SMC2: variants seen among roughly 807,000 people sequenced by gnomAD.
SMC2 encodes the protein structural maintenance of chromosomes protein 2.
A neutral mutation model predicts 142.6 loss-of-function variants in SMC2; 41 were observed. The observed-to-expected ratio is 0.29, with a 90% CI of 0.22 to 0.37. The LOEUF (loss-of-function observed/expected upper bound fraction) is 0.37. Ranked by LOEUF, SMC2 falls within the 10% of genes least tolerant of loss-of-function variation. SMC2 has a pLI of 1.00. For missense variants in SMC2, 1,265 were observed against 1,373.7 expected (o/e 0.92, Z 1.25); for synonymous variants, 463 against 457.5 (o/e 1.01, Z -0.15).
chr9:104,116,339 A>C lies in SMC2; in HGVS notation c.1791+20A>C. 1 of 1,589,732 alleles carries C rather than the reference A, an allele frequency of 6.3e-7. No homozygotes were observed. The highest frequency in any genetic ancestry group is 1.2e-5 in the South Asian group (1 of 86,016). Reference sequence around the variant, plus strand: ...AATCTTGTAAGTCTCATTTTGTCTTATTTATATGTTTAATCGTCATCTGTG... The same window carrying C: ...AATCTTGTAAGTCTCATTTTGTCTTCTTTATATGTTTAATCGTCATCTGTG... On this transcript the variant is annotated intron_variant, in intron 14 of 24. Coordinates refer to ENST00000374793, the MANE Select transcript of SMC2 (RefSeq NM_006444.3).
intron 19 of SMC2, 50 bp downstream of exon 19, chr9:104,126,834 T>A (rs1356729311): frequency 2.0e-6 from 3 of 1,519,570 alleles, no homozygotes; most frequent in Non-Finnish European, 2.7e-6. Flanking sequence ...AATCTTTTTA[T>A]GAAACATTAG....
At chr9:104,119,220 CTG>C (rs748978530) in intron 15 of SMC2, among the ~76,000 whole-genome samples, 1 of 152,142 alleles carries the variant, frequency 6.6e-6, no homozygotes, top group Non-Finnish European at 1.5e-5. Flanking sequence ...TAAAAAGAGA[CTG>C]TGTTTTTAAA....
intron 12 of SMC2, among the ~76,000 whole-genome samples, chr9:104,114,405 G>T (rs1832844650): frequency 6.6e-6 from 1 of 152,082 alleles, no homozygotes; most frequent in African/African-American, 2.4e-5. Flanking sequence ...GTTTTGCTAT[G>T]TGGGTTTTTT....
intron 11 of SMC2, 82 bp downstream of exon 11, chr9:104,113,557 G>A (rs1417171299): frequency 1.8e-6 from 2 of 1,120,450 alleles, no homozygotes; most frequent in Non-Finnish European, 2.5e-6. Flanking sequence ...AAGAACGCAA[G>A]CAAGTAGGAA....
intron 9 of SMC2, among the ~76,000 whole-genome samples, chr9:104,104,129 G>A (rs1490324022): frequency 2.0e-5 from 3 of 151,918 alleles, no homozygotes; most frequent in South Asian, 2.1e-4. Flanking sequence ...AAACTCTCAC[G>A]CCATAGGTGG....
Position 104,102,578 on chromosome 9 carries a change from G to A in SMC2, c.1020+5G>A. 6.2e-7 allele frequency: 1 copy of A among 1,611,744 alleles called. No individual in the cohort carries two copies. The highest frequency in any genetic ancestry group is 2.2e-5 in the East Asian group (1 of 44,788). On this transcript the variant is annotated splice_donor_5th_base_variant and intron_variant, in intron 9 of 24. Transcript: ENST00000374793. ...CTGGAAAAAAATATGGTTGAGGTAA[G>A]TGAGCTTAATGTGCCACTAGTGCCA...
chr9:104,110,373 G>A (rs1024051455), intron 9 of SMC2, among the ~76,000 whole-genome samples: 2 of 152,124 alleles, frequency 1.3e-5, no homozygotes, highest in African/African-American at 4.8e-5. Context: ...CTACAGTACT[G>A]TAAATGTATT....
chr9:104,091,703 A>G (rs1260426753), upstream of SMC2, among the ~76,000 whole-genome samples: 2 of 152,164 alleles, frequency 1.3e-5, no homozygotes, highest in African/African-American at 4.8e-5. Flanking sequence ...CCAAGGAGAA[A>G]GGATTCACTC....
In SMC2 at chr9:104,127,308, A is replaced by G; in HGVS notation, c.2618A>G (p.Glu873Gly). The G allele has an allele frequency of 6.3e-7, 1 of 1,593,184 alleles. No individual in the cohort carries two copies. Among genetic ancestry groups the G allele is most frequent in the Non-Finnish European group, 8.6e-7 (1 of 1,169,464 alleles). ...TAGGAGTCAGTAAATAAAGCTCAAGAAGAGGTGACCAAGCAAAAAGAGGTG... is the reference window on the plus strand; with the variant it reads ...TAGGAGTCAGTAAATAAAGCTCAAGGAGAGGTGACCAAGCAAAAAGAGGTG... ...KNKESVNKAQ[E>G]EVTKQKEVIT... Residue 873 changes from glutamate (E) to glycine (G), a missense_variant, in exon 20 of 25, where the codon GAA (glutamate) becomes GGA (glycine). By Grantham distance (98) the Glu-to-Gly change is moderately conservative. This residue lies in a region of SMC2 where 898 missense variants were observed against 904.2 expected (regional missense o/e 0.99). Coordinates refer to ENST00000374793, the MANE Select transcript of SMC2 (RefSeq NM_006444.3).
At chr9:104,107,276 A>G (rs1011345237) in intron 9 of SMC2, among the ~76,000 whole-genome samples, 3 of 152,220 alleles carry the variant, frequency 2.0e-5, no homozygotes, top group Non-Finnish European at 4.4e-5. Context: ...CTACCAGTGC[A>G]CAATAGCAAG....
rs775374750 is a variant in SMC2 at position 104,120,010 on chromosome 9, C to A, written c.1997-17C>A. The A allele has an allele frequency of 1.4e-5, 23 of 1,612,862 alleles. No homozygotes were observed. In the South Asian group the frequency reaches 2.2e-4, roughly 15 times the overall value. ...TGGTAACAATGTGGAAGACCTGTTT[C>A]AATTTGCCTCTATCAGGTGCTCGAT... On this transcript the variant is annotated splice_polypyrimidine_tract_variant and intron_variant, in intron 15 of 24. Transcript: ENST00000374793.
chr9:104,121,517 T>C (rs1176923436), intron 16 of SMC2, among the ~76,000 whole-genome samples: 3 of 152,024 alleles, frequency 2.0e-5, no homozygotes, highest in African/African-American at 7.3e-5. Flanking sequence ...ATTTTTTTTT[T>C]AAAGTTCAAT....
chr9:104,088,794 T>C, the SMC2 span, among the ~76,000 whole-genome samples: 1 of 152,124 alleles, frequency 6.6e-6, no homozygotes, highest in Admixed American at 6.5e-5. Flanking sequence ...TCTTCTCCAC[T>C]CAACTATGGA....
chr9:104,092,728 T>C (rs2131255190), upstream of SMC2: 1 of 152,298 alleles, frequency 6.6e-6, no homozygotes, highest in South Asian at 2.1e-4. Flanking sequence ...TTTACTCCCT[T>C]ATCGAGAAAT....
At chr9:104,129,069 C>T (rs773499213) in intron 20 of SMC2, among the ~76,000 whole-genome samples, 52 of 152,102 alleles carry the variant, frequency 3.4e-4, no homozygotes, top group Non-Finnish European at 3.2e-4. Context: ...GCGTATACTT[C>T]GTAAAAATTT....
At chr9:104,131,403 G>A (rs1288570212) in intron 21 of SMC2, among the ~76,000 whole-genome samples, 1 of 152,060 alleles carries the variant, frequency 6.6e-6, no homozygotes, top group Non-Finnish European at 1.5e-5. Context: ...CCTTTATCCT[G>A]ATGCATACAG....
intron 4 of SMC2, 73 bp from the exon 5 acceptor site, chr9:104,099,571 A>G (rs1490726121): frequency 6.4e-6 from 6 of 935,690 alleles, no homozygotes; most frequent in Non-Finnish European, 1.1e-5. Context: ...CAGTCTAGAT[A>G]AACATGAATG....
intron 24 of SMC2, among the ~76,000 whole-genome samples, chr9:104,138,632 G>C (rs1443937540): frequency 6.6e-6 from 1 of 152,164 alleles, no homozygotes; most frequent in African/African-American, 2.4e-5. Context: ...TGCTGTAGGA[G>C]CTGGGGCTGC....
In SMC2 at chr9:104,124,941, A is replaced by G. The variant is rs915779719; in HGVS notation, c.2287A>G (p.Lys763Glu). 5 of 1,594,664 alleles carry G rather than the reference A, an allele frequency of 3.1e-6. No individual in the cohort carries two copies. The highest frequency in any genetic ancestry group is 4.3e-6 in the Non-Finnish European group (5 of 1,175,620). ...EESEETLKNTKEIQRKAEEKY... is the reference protein window; with the variant it reads ...EESEETLKNTEEIQRKAEEKY... The stretch of plus-strand genomic sequence containing the variant: ...AAGTGAGGAGACTTTGAAAAACACT[A>G]AAGAAATCCAAAGAAAAGCAGAAGA... Residue 763 changes from lysine (K) to glutamate (E), a missense_variant, in exon 18 of 25, where the codon AAA becomes GAA. Around this residue, in one of 4 missense-constraint regions of SMC2, gnomAD observed 898 missense variants for 904.2 expected, o/e 0.99. Transcript: ENST00000374793.
Sources: allele counts gnomAD v4.1 joint callset (sites outside exome capture counted in the v4.1 genomes callset), GRCh38; gene constraint gnomAD v4.1.1; regional missense constraint gnomAD v4.1.1; transcripts MANE v1.5; gene names NCBI Gene and HGNC (gene_info 2026-07-23, HGNC 2026-07-21).